The following RPS3 variants were observed in gnomAD, a reference collection of about 807,000 sequenced individuals.
The protein encoded by RPS3 is small ribosomal subunit protein uS3.
A neutral mutation model predicts 25.8 loss-of-function variants in RPS3; 2 were observed. The observed-to-expected ratio is 0.08, with a 90% CI of 0.03 to 0.24. The LOEUF is 0.24. RPS3 is among the 10% of genes least tolerant of loss of function. The probability of loss-of-function intolerance (pLI) is 1.00; values close to 1 mark genes in which losing one functional copy is unlikely to be tolerated. For missense variants in RPS3, 107 were observed against 307.1 expected, an observed-to-expected ratio of 0.35 and a Z score of 4.87; for synonymous variants, 114 against 114.2, an observed-to-expected ratio of 1.00 and a Z score of 0.01.
At chr11:75,401,778 GATACTTCTAAA>G in intron 3 of RPS3, 45 bp downstream of exon 3, 1 of 1,075,454 alleles carries the variant, frequency 9.3e-7, no homozygotes, top group Non-Finnish European at 1.4e-6. Flanking sequence ...TCTTCAGAAT[GATACTTCTAAA>G]AACTCTCAAC....
intron 6 of RPS3, among the ~76,000 whole-genome samples, chr11:75,415,931 G>A (rs1260387090): frequency 2.0e-5 from 3 of 149,090 alleles, no homozygotes; most frequent in Admixed American, 1.3e-4. Flanking sequence ...AGCCGCGATC[G>A]TGCCACTGCA....
chr11:75,417,015 A>T (rs1392111773), intron 6 of RPS3, among the ~76,000 whole-genome samples: 5 of 152,254 alleles, frequency 3.3e-5, no homozygotes. Context: ...TAGCGTAAGC[A>T]TGACCATGGT....
chr11:75,421,872 T>C (rs775285947), exon 7 of RPS3: 14 of 152,244 alleles, frequency 9.2e-5, no homozygotes, highest in Non-Finnish European at 1.8e-4. Context: ...GCAGAGGTGT[T>C]TGTAACCATC....
intron 1 of RPS3, chr11:75,400,257 G>A: frequency 4.7e-6 from 2 of 425,576 alleles, no homozygotes; most frequent in South Asian, 3.6e-5. Context: ...GTGTCTACAA[G>A]TGAGAGAGCT....
chr11:75,416,458 C>CTTTTTTTTTTTTTTTTTTTTTTT (rs72030839), intron 6 of RPS3, among the ~76,000 whole-genome samples: 1 of 125,976 alleles, frequency 7.9e-6, no homozygotes. Context: ...TTGATTATTT[C>CTTTTTTTTTTTTTTTTTTTTTTT]TATTTTTTTT....
In RPS3 at chr11:75,401,678, G is replaced by A; in HGVS notation, c.200G>A (p.Arg67Gln). ...CTTGGTGAGAAGGGCCGGCGGATTC[G>A]GGAACTGACTGCTGTAGTTCAGAAG... Reference protein sequence around the residue: ...NVLGEKGRRIRELTAVVQKRF... With the variant: ...NVLGEKGRRIQELTAVVQKRF... Residue 67 changes from arginine (R) to glutamine (Q), a missense_variant, in exon 3 of 7, where the codon CGG (arginine) becomes CAG (glutamine). Arg to Gln is a conservative substitution (Grantham distance 43, BLOSUM62 1). Around this residue, in one of 2 missense-constraint regions of RPS3, gnomAD observed 81 missense variants for 286.8 expected, o/e 0.28. Coordinates refer to ENST00000531188, the MANE Select transcript of RPS3 (RefSeq NM_001005.5). The A allele has an allele frequency of 6.2e-7, 1 of 1,613,696 alleles. No individual in the cohort carries two copies. The highest frequency in any genetic ancestry group is 1.3e-5 in the African/African-American group (1 of 75,026).
chr11:75,416,470 T>C (rs1286314349), intron 6 of RPS3, among the ~76,000 whole-genome samples: 2 of 149,566 alleles, frequency 1.3e-5, no homozygotes, highest in African/African-American at 4.9e-5. Context: ...ATTTTTTTTT[T>C]TTTTTTTTGA....
chr11:75,409,129 G>A (rs1156314589), downstream of RPS3, among the ~76,000 whole-genome samples: 2 of 151,934 alleles, frequency 1.3e-5, no homozygotes, highest in Admixed American at 6.6e-5. Context: ...CTACAGGCAC[G>A]TGCCACCATC....
At chr11:75,400,958 C>T in intron 2 of RPS3, 134 bp downstream of exon 2, 2 of 1,272,006 alleles carry the variant, frequency 1.6e-6, no homozygotes, top group Non-Finnish European at 2.0e-6. Context: ...TCTCGGCTCA[C>T]TGCAAGCTCC....
chr11:75,417,761 C>T (rs1948411409), intron 6 of RPS3, among the ~76,000 whole-genome samples: 1 of 152,236 alleles, frequency 6.6e-6, no homozygotes, highest in African/African-American at 2.4e-5. Context: ...AGAGTCACAG[C>T]CCCAGGCCCT....
chr11:75,402,169 CAA>C (rs1222553781), intron 3 of RPS3, 181 bp from the exon 4 acceptor site: 1 of 857,226 alleles, frequency 1.2e-6, no homozygotes, highest in Non-Finnish European at 1.8e-6. Context: ...ACTGGTAGCG[CAA>C]AAAATCACGA....
chr11:75,417,230 G>A (rs1948407183), intron 6 of RPS3, among the ~76,000 whole-genome samples: 1 of 152,148 alleles, frequency 6.6e-6, no homozygotes, highest in African/African-American at 2.4e-5. Flanking sequence ...AGCACTTTGG[G>A]AGGCCGAAAT....
intron 3 of RPS3, 74 bp downstream of exon 3, chr11:75,401,807 C>T (rs984289101): frequency 2.3e-6 from 2 of 860,672 alleles, no homozygotes; most frequent in Non-Finnish European, 4.0e-6. Flanking sequence ...AACTTGGAGA[C>T]TTTAATTGTT....
chr11:75,402,732 G>C (rs1948230109), intron 4 of RPS3: 1 of 212,068 alleles, frequency 4.7e-6, no homozygotes, highest in African/African-American at 2.3e-5. Flanking sequence ...AACTCCTGTT[G>C]GTCTTCTTGA....
downstream of RPS3, among the ~76,000 whole-genome samples, chr11:75,410,166 C>T (rs1948336117): frequency 1.3e-5 from 2 of 150,308 alleles, no homozygotes; most frequent in African/African-American, 4.9e-5. Flanking sequence ...GGGCGGGGGG[C>T]TGACCCCCCC....
intron 3 of RPS3, 24 bp downstream of exon 3, chr11:75,401,757 G>T (rs1238037185): frequency 7.7e-7 from 1 of 1,298,158 alleles, no homozygotes; most frequent in Non-Finnish European, 1.1e-6. Context: ...GCATATGCCA[G>T]AGGTAATGGC....
chr11:75,410,499 T>C (rs1227033672), downstream of RPS3, among the ~76,000 whole-genome samples: 1 of 146,896 alleles, frequency 6.8e-6, no homozygotes, highest in Admixed American at 6.8e-5. Context: ...CTCCTCACTT[T>C]CCAGACTGGG....
intron 6 of RPS3, among the ~76,000 whole-genome samples, chr11:75,420,963 A>C (rs549612985): frequency 6.6e-6 from 1 of 152,260 alleles, no homozygotes; most frequent in South Asian, 2.1e-4. Context: ...GCATGTGGGA[A>C]GGGTCCAGCC....
intron 6 of RPS3, among the ~76,000 whole-genome samples, chr11:75,412,509 T>C (rs1420137439): frequency 6.6e-6 from 1 of 151,934 alleles, no homozygotes; most frequent in Non-Finnish European, 1.5e-5. Context: ...CAAAATAGGG[T>C]TTGGGAGAAG....
Sources: gnomAD v4.1 joint callset for allele counts (sites outside exome capture counted in the v4.1 genomes callset) on GRCh38, gnomAD v4.1.1 for gene constraint, gnomAD v4.1.1 regional missense constraint, MANE v1.5 for transcripts, NCBI Gene and HGNC (gene_info 2026-07-23, HGNC 2026-07-21) for gene names.